Variants in SPTBN1 observed in about 807,000 individuals in gnomAD.
SPTBN1 encodes the protein spectrin beta chain, non-erythrocytic 1.
In SPTBN1, 32 loss-of-function variants were observed where a neutral mutation model predicts 266.4. The ratio of observed to expected loss-of-function variants is 0.12; its 90% CI spans 0.09 to 0.16. The LOEUF is 0.16. Among genes scored for constraint, SPTBN1 ranks in the 10% least tolerant of loss-of-function variants. The pLI is 1.00. For missense variants in SPTBN1, 2,296 were observed against 3,067.1 expected (o/e 0.75, Z 5.94); for synonymous variants, 1,336 against 1,162.2 (o/e 1.15, Z -3.04).
chr2:54,583,780 T>G (rs1052270637), intron 2 of SPTBN1, among the ~76,000 whole-genome samples: 1 of 152,222 alleles, frequency 6.6e-6, no homozygotes, highest in African/African-American at 2.4e-5. Context: ...TAGGACCTTT[T>G]GTGATGCCCC....
intron 1 of SPTBN1, among the ~76,000 whole-genome samples, chr2:54,485,298 C>G (rs1207084235): frequency 6.6e-6 from 1 of 152,140 alleles, no homozygotes; most frequent in East Asian, 1.9e-4. Context: ...CTGCCTGATT[C>G]TCCTGCCTCA....
At chr2:54,659,885 C>T in intron 31 of SPTBN1, 51 bp from the exon 32 acceptor site, 1 of 1,587,716 alleles carries the variant, frequency 6.3e-7, no homozygotes, top group South Asian at 1.1e-5. Flanking sequence ...ACTGTTTCCT[C>T]TTTCTCCTCT....
chr2:54,578,739 C>G (rs139664518), intron 2 of SPTBN1, among the ~76,000 whole-genome samples: 2 of 142,366 alleles, frequency 1.4e-5, no homozygotes, highest in African/African-American at 5.7e-5. Context: ...AGGCAAGTGT[C>G]TTCTGATGGG....
At chr2:54,576,074 A>ATTTTTTTT (rs1209132160) in intron 2 of SPTBN1, among the ~76,000 whole-genome samples, 1,342 of 93,678 alleles carry the variant, frequency 0.014, 234 homozygotes, top group Middle Eastern at 0.021. Flanking sequence ...TTTTTTTTTG[A>ATTTTTTTT]GAGACAGTCT....
At position 54,664,760 on chromosome 2, in the gene SPTBN1, T is replaced by A. The variant is rs1681266950; in HGVS notation, c.6659+69T>A. On this transcript the variant is annotated intron_variant, in intron 33 of 35. Coordinates refer to ENST00000356805, the MANE Select transcript of SPTBN1 (RefSeq NM_003128.3). This position sits in a 1 kb window ranked among gnomAD's most constrained non-coding sequence, Gnocchi z 5.6. ...TGTGAAGGGATAAGGCGGGCCACTC[T>A]TGAATTGGAAGAGAAGTATGTGCTC... is the stretch of plus-strand genomic sequence containing the variant. 1 of 1,484,052 alleles carries A rather than the reference T, an allele frequency of 6.7e-7. No homozygotes were observed. The highest frequency in any genetic ancestry group is 2.3e-5 in the East Asian group (1 of 43,936). 91.9% of individuals were successfully genotyped at this position (1,484,052 alleles called of 1,614,324 possible).
intron 2 of SPTBN1, among the ~76,000 whole-genome samples, chr2:54,585,921 A>G (rs888816956): frequency 2.0e-5 from 3 of 152,216 alleles, no homozygotes; most frequent in African/African-American, 4.8e-5. Context: ...GGGTCAGCCT[A>G]TCATTCAATA....
chr2:54,478,465 T>C (rs1667950240), intron 1 of SPTBN1, among the ~76,000 whole-genome samples: 1 of 152,052 alleles, frequency 6.6e-6, no homozygotes, highest in Non-Finnish European at 1.5e-5. Context: ...GTCAGAAAGA[T>C]TGTAGAGGAT....
chr2:54,645,615 C>T lies in SPTBN1; in HGVS notation c.4494+162C>T, dbSNP rs771963917. Among the ~76,000 whole-genome samples the T allele has an allele frequency of 3.3e-5, 5 of 152,204 alleles. No individual in the cohort carries two copies. Among genetic ancestry groups the T allele is most frequent in the Non-Finnish European group, 5.9e-5 (4 of 68,032 alleles). ...GGTCTAAAGTTTCTTTCCCTTTTCA[C>T]CCTAAATGTAACTCCATTGGTCCTC... On this transcript the variant is annotated intron_variant, in intron 21 of 35. Transcript: ENST00000356805. This position sits in a 1 kb window ranked among gnomAD's most constrained non-coding sequence, Gnocchi z 4.3.
chr2:54,645,424 C>T lies in SPTBN1; in HGVS notation c.4465C>T (p.Gln1489Ter). The change falls in exon 21 of 36, where the codon CAG becomes TAG. Residue 1489 changes from glutamine (Q) to a stop codon, truncating the protein, a stop_gained. Transcript: ENST00000356805. LOFTEE classifies it high-confidence loss of function. This position sits in a 1 kb window ranked among gnomAD's most constrained non-coding sequence, Gnocchi z 4.3. ...CCTGCTGGCCTCCAAAGAGATCCAT[C>T]AGTTCAACAGGGATGTGGAGGACGA... The part of the protein sequence containing the change: ...HNLLASKEIH[Q>*]FNRDVEDEIL... The T allele has an allele frequency of 6.2e-7, 1 of 1,614,124 alleles. No homozygotes were observed.
rs567134612 is a variant in SPTBN1 at position 54,508,464 on chromosome 2, A to G, written c.-47-17908A>G. On this transcript the variant is annotated intron_variant, in intron 1 of 35. Coordinates refer to ENST00000356805, the MANE Select transcript of SPTBN1 (RefSeq NM_003128.3). ...ATAGCAGATGGAACACTGAAAAGTG[A>G]TTTCCTTGAGGATAGATTTTTGCGA... 5.3e-5 allele frequency among the ~76,000 whole-genome samples: 8 copies of G among 152,282 alleles called. No homozygotes were observed. The South Asian group carries it at 1.7e-3, about 32-fold the overall frequency.
At chr2:54,483,444 T>G (rs1668198299) in intron 1 of SPTBN1, among the ~76,000 whole-genome samples, 1 of 152,168 alleles carries the variant, frequency 6.6e-6, no homozygotes, top group Admixed American at 6.5e-5. Context: ...ACCCGTTGCT[T>G]CCCTCAGCAG....
At chr2:54,636,170 A>G (rs1679115275) in intron 17 of SPTBN1, among the ~76,000 whole-genome samples, 1 of 152,154 alleles carries the variant, frequency 6.6e-6, no homozygotes, top group Non-Finnish European at 1.5e-5. Flanking sequence ...TTCATTTAGC[A>G]TTATAGTATA....
chr2:54,609,026 G>A (rs769139178), intron 3 of SPTBN1, among the ~76,000 whole-genome samples: 3 of 152,158 alleles, frequency 2.0e-5, no homozygotes, highest in Admixed American at 6.5e-5. Context: ...GAGGAGGAAG[G>A]TGGGGGGATT....
intron 2 of SPTBN1, among the ~76,000 whole-genome samples, chr2:54,596,609 GCTC>G (rs1417468955): frequency 6.6e-6 from 1 of 152,204 alleles, no homozygotes; most frequent in Non-Finnish European, 1.5e-5. Context: ...CGTGGGGCCT[GCTC>G]CTGACTGTGA....
chr2:54,655,256 A>C (rs150376532), intron 28 of SPTBN1, 48 bp downstream of exon 28: 2 of 1,602,272 alleles, frequency 1.2e-6, no homozygotes, highest in Non-Finnish European at 1.7e-6. Flanking sequence ...CAAGATGTAA[A>C]ATGACTTTGT....
chr2:54,626,225 T>TGAAATGAAGGTAAAACCTGACC lies in SPTBN1; in HGVS notation c.1640_1644+17dup. ...TGCTCTACATTATGGACTGGATGGA[T>TGAAATGAAGGTAAAACCTGACC]GAAATGAAGGTAAAACCTGACCGAA... is the stretch of plus-strand genomic sequence containing the variant. On this transcript the variant is annotated frameshift_variant, in exon 12 of 36. Coordinates refer to ENST00000356805, the MANE Select transcript of SPTBN1 (RefSeq NM_003128.3). LOFTEE classifies it high-confidence loss of function. The surrounding 1 kb of genome is among the most constrained non-coding windows in gnomAD (Gnocchi z 4.7). 1 of 1,613,218 alleles carries TGAAATGAAGGTAAAACCTGACC rather than the reference T, an allele frequency of 6.2e-7. No homozygotes were observed. Among genetic ancestry groups the TGAAATGAAGGTAAAACCTGACC allele is most frequent in the Non-Finnish European group, 8.5e-7 (1 of 1,179,290 alleles).
chr2:54,474,566 T>C (rs1667720232), intron 1 of SPTBN1, among the ~76,000 whole-genome samples: 1 of 152,196 alleles, frequency 6.6e-6, no homozygotes, highest in Admixed American at 6.5e-5. Context: ...CCTGGAAATA[T>C]GTAAGTATTA....
At chr2:54,509,256 G>C (rs1313990801) in intron 1 of SPTBN1, among the ~76,000 whole-genome samples, 1 of 152,226 alleles carries the variant, frequency 6.6e-6, no homozygotes, top group East Asian at 1.9e-4. Flanking sequence ...TACAGTCATG[G>C]GAGTCAGATG....
chr2:54,566,171 C>T (rs1673641489), intron 2 of SPTBN1, among the ~76,000 whole-genome samples: 1 of 146,138 alleles, frequency 6.8e-6, no homozygotes, highest in Non-Finnish European at 1.5e-5. Flanking sequence ...GCATTGTAAG[C>T]ATTTTTCTTT....
Sources: allele counts gnomAD v4.1 joint callset (sites outside exome capture counted in the v4.1 genomes callset), GRCh38; gene constraint gnomAD v4.1.1; non-coding constraint Gnocchi (gnomAD v3.1); transcripts MANE v1.5; gene names NCBI Gene and HGNC (gene_info 2026-07-23, HGNC 2026-07-21).